Variants in SZRD1 observed in about 807,000 individuals in gnomAD.
SZRD1 encodes SUZ RNA-binding domain-containing.
A neutral mutation model predicts 17.6 loss-of-function variants in SZRD1; 7 were observed. That is an observed-to-expected ratio of 0.40 (90% CI 0.23 to 0.75). SZRD1 has a LOEUF of 0.75. Ranked by LOEUF, SZRD1 falls within the 30% of genes least tolerant of loss-of-function variation. SZRD1 has a pLI of 0.38. For missense variants in SZRD1, 178 were observed against 201.8 expected, an observed-to-expected ratio of 0.88 and a Z score of 0.71; for synonymous variants, 77 against 77.9, an observed-to-expected ratio of 0.99 and a Z score of 0.06.
At chr1:16,367,674 T>A (rs746798065) in intron 1 of SZRD1, 1 of 291,466 alleles carries the variant, frequency 3.4e-6, no homozygotes, top group Non-Finnish European at 6.5e-6. Flanking sequence ...GTTCTTGTGC[T>A]CTGACCGGGA....
At chr1:16,387,028 A>G (rs1016656860) in intron 1 of SZRD1, 2 of 280,160 alleles carry the variant, frequency 7.1e-6, no homozygotes, top group Non-Finnish European at 1.4e-5. Flanking sequence ...TGACAGAAGG[A>G]TAAAAGCTAC....
intron 1 of SZRD1, among the ~76,000 whole-genome samples, chr1:16,385,847 G>C (rs1006109115): frequency 6.6e-6 from 1 of 152,156 alleles, no homozygotes; most frequent in Non-Finnish European, 1.5e-5. Context: ...TGCAAATGTT[G>C]ACATCTGATC....
chr1:16,378,679 G>C (rs1273971272), intron 1 of SZRD1, among the ~76,000 whole-genome samples: 2 of 152,092 alleles, frequency 1.3e-5, no homozygotes, highest in African/African-American at 4.8e-5. Context: ...GGCTTGCACT[G>C]ACCTGGCCTG....
At chr1:16,385,819 C>T (rs960985060) in intron 1 of SZRD1, among the ~76,000 whole-genome samples, 2 of 152,192 alleles carry the variant, frequency 1.3e-5, no homozygotes, top group South Asian at 2.1e-4. Flanking sequence ...TGAGCTTCCT[C>T]CTCTGGTGAG....
chr1:16,382,504 T>TC (rs1158411594), intron 1 of SZRD1, among the ~76,000 whole-genome samples: 7 of 147,940 alleles, frequency 4.7e-5, no homozygotes, highest in African/African-American at 1.0e-4. Flanking sequence ...TTTTTTTTTT[T>TC]GTTTTTTTTT....
At chr1:16,368,028 A>G (rs2082852433) in intron 1 of SZRD1, 1 of 152,098 alleles carries the variant, frequency 6.6e-6, no homozygotes, top group African/African-American at 2.4e-5. Flanking sequence ...GTGATATGTA[A>G]AACAGCCACA....
At chr1:16,378,038 G>T (rs1049634056) in intron 1 of SZRD1, among the ~76,000 whole-genome samples, 1 of 152,094 alleles carries the variant, frequency 6.6e-6, no homozygotes, top group African/African-American at 2.4e-5. Flanking sequence ...GAAAGCAGGA[G>T]CCCCATTAGA....
chr1:16,384,673 T>C (rs1450952216), intron 1 of SZRD1, among the ~76,000 whole-genome samples: 3 of 152,350 alleles, frequency 2.0e-5, no homozygotes, highest in Admixed American at 1.3e-4. Flanking sequence ...GCATGGGCCG[T>C]GGCTGGCTGT....
Position 16,390,040 on chromosome 1 carries a change from C to G in SZRD1, c.52-1335C>G, listed in dbSNP as rs1041626309. 5.9e-5 allele frequency among the ~76,000 whole-genome samples: 9 copies of G among 152,182 alleles called. 1 individual carries two copies. Among genetic ancestry groups the G allele is most frequent in the Admixed American group, 5.9e-4 (9 of 15,274 alleles). On this transcript the variant is annotated intron_variant, in intron 1 of 3. Coordinates refer to ENST00000401088, the MANE Select transcript of SZRD1 (RefSeq NM_001114600.3). ...AAATGGCTTGACATTGTCCAGTGTCCCCTGAGGGACAGAATCTTATCTGGT... is the reference window on the plus strand; with the variant it reads ...AAATGGCTTGACATTGTCCAGTGTCGCCTGAGGGACAGAATCTTATCTGGT...
At chr1:16,372,004 T>G (rs1359566354) in intron 1 of SZRD1, among the ~76,000 whole-genome samples, 1 of 152,224 alleles carries the variant, frequency 6.6e-6, no homozygotes, top group Admixed American at 6.5e-5. Context: ...GCTTCCGAAT[T>G]CTTAGTATCA....
intron 1 of SZRD1, among the ~76,000 whole-genome samples, chr1:16,376,875 C>T (rs1236737244): frequency 6.6e-6 from 1 of 151,566 alleles, no homozygotes; most frequent in Non-Finnish European, 1.5e-5. Flanking sequence ...CCTTGTTACC[C>T]AGACTGATCT....
At chr1:16,383,512 C>G (rs1302205104) in intron 1 of SZRD1, among the ~76,000 whole-genome samples, 1 of 151,726 alleles carries the variant, frequency 6.6e-6, no homozygotes, top group Non-Finnish European at 1.5e-5. Flanking sequence ...GAGCCACTGC[C>G]TCAGCCTTAA....
intron 3 of SZRD1, among the ~76,000 whole-genome samples, chr1:16,394,513 G>A (rs1437992871): frequency 6.6e-6 from 1 of 152,204 alleles, no homozygotes; most frequent in Admixed American, 6.5e-5. Context: ...TGAGCAGGGG[G>A]AAAGGATGCT....
intron 1 of SZRD1, among the ~76,000 whole-genome samples, chr1:16,369,981 A>G (rs2082885590): frequency 6.6e-6 from 1 of 151,836 alleles, no homozygotes; most frequent in South Asian, 2.1e-4. Context: ...CAGGTTCTCT[A>G]ATATATTTTA....
At chr1:16,371,467 T>A (rs184492068) in intron 1 of SZRD1, among the ~76,000 whole-genome samples, 2,480 of 145,462 alleles carry the variant, frequency 0.017, 69 homozygotes, top group African/African-American at 0.059. Flanking sequence ...TTTTCCCCTT[T>A]TTTTTTTTTC....
At chr1:16,379,963 T>C (rs2083071321) in intron 1 of SZRD1, among the ~76,000 whole-genome samples, 3 of 152,114 alleles carry the variant, frequency 2.0e-5, no homozygotes, top group Admixed American at 6.5e-5. Context: ...GGCTTCACCA[T>C]GTTGGCCAGG....
rs748663479 is a variant in SZRD1 at position 16,395,196 on chromosome 1, G to A, written c.*56G>A. 8.2e-5 allele frequency: 104 copies of A among 1,270,086 alleles called. No individual in the cohort carries two copies. Among genetic ancestry groups the A allele is most frequent in the East Asian group, 1.6e-4 (7 of 43,162 alleles). 78.7% of individuals were successfully genotyped at this position (1,270,086 alleles called of 1,614,324 possible). ...GCCGTCACCGCCTCCTGGGTCGTCC[G>A]CCACGGGTTGCACTGCCGTGGCAGA... On this transcript the variant is annotated 3_prime_UTR_variant, in exon 4 of 4. Transcript: ENST00000401088.
At position 16,395,272 on chromosome 1, in the gene SZRD1, C is replaced by T. The variant is rs1034697774; in HGVS notation, c.*132C>T. 3 of 722,202 alleles carry T rather than the reference C, an allele frequency of 4.2e-6. No individual in the cohort carries two copies. The highest frequency in any genetic ancestry group is 1.5e-5 in the South Asian group (1 of 66,642). 44.7% of individuals were successfully genotyped at this position (722,202 alleles called of 1,614,324 possible). ...ACCTGACTTACTTGCACTGTGATCC[C>T]CCTTGCTCCGCCCACTGTGACCTTG... On this transcript the variant is annotated 3_prime_UTR_variant, in exon 4 of 4. Transcript: ENST00000401088.
chr1:16,372,187 A>G (rs2082925710), intron 1 of SZRD1, among the ~76,000 whole-genome samples: 1 of 152,048 alleles, frequency 6.6e-6, no homozygotes, highest in South Asian at 2.1e-4. Flanking sequence ...CAATCAATAA[A>G]ATATGCCAGG....
Sources: allele counts gnomAD v4.1 joint callset (sites outside exome capture counted in the v4.1 genomes callset), GRCh38; gene constraint gnomAD v4.1.1; transcripts MANE v1.5; gene names NCBI Gene and HGNC (gene_info 2026-07-23, HGNC 2026-07-21).